ANKFY1: variants seen among roughly 807,000 people sequenced by gnomAD.
The protein encoded by ANKFY1 is ankyrin repeat and FYVE domain containing 1.
In ANKFY1, 47 loss-of-function variants were observed where a neutral mutation model predicts 128.3. The observed-to-expected ratio is 0.37, with a 90% CI of 0.29 to 0.47. The LOEUF (loss-of-function observed/expected upper bound fraction) is 0.47, where lower values mean the gene tolerates loss of function less well. Ranked by LOEUF, ANKFY1 falls within the 20% of genes least tolerant of loss-of-function variation. ANKFY1 has a pLI of 1.00. For missense variants in ANKFY1, 1,222 were observed against 1,510.6 expected, an observed-to-expected ratio of 0.81 and a Z score of 3.17; for synonymous variants, 553 against 601.6, an observed-to-expected ratio of 0.92 and a Z score of 1.18.
chr17:4,164,564 C>T lies in ANKFY1; in HGVS notation c.*3215G>A, dbSNP rs543422574. 3 of 152,394 alleles carry T rather than the reference C, an allele frequency of 2.0e-5. No individual in the cohort carries two copies. The highest frequency in any genetic ancestry group is 7.2e-5 in the African/African-American group (3 of 41,592). The allele number at this position is 152,394 out of a possible 1,614,324, so 9.4% of individuals were successfully genotyped here. A position where few individuals can be genotyped will look rare whatever the true frequency, so the allele number is the denominator to read the frequency against. Reference sequence around the variant, plus strand: ...GAAACATTACCCTTCCTTGTTCCTGCTACTGTCACCTGGGAAGTTAGCGTT... The same window carrying T: ...GAAACATTACCCTTCCTTGTTCCTGTTACTGTCACCTGGGAAGTTAGCGTT... On this transcript the variant is annotated 3_prime_UTR_variant, in exon 25 of 25. Transcript: ENST00000341657.
In ANKFY1 at chr17:4,195,039, G is replaced by A; in HGVS notation, c.1311C>T (p.Asn437=). The stretch of plus-strand genomic sequence containing the variant: ...GCTGGATGAGTCTGGCTGCAAAGCT[G>A]TTCTCATCAAATGAAGTCCCATTTA... The part of the protein sequence containing the change: ...PVVNGTSFDE[N]SFAARLIQRG... The change falls in exon 10 of 25, where the codon AAC becomes AAT. Residue 437 remains asparagine, a synonymous_variant. Coordinates refer to ENST00000341657, the MANE Select transcript of ANKFY1 (RefSeq NM_001330063.2). 6.2e-7 allele frequency: 1 copy of A among 1,614,170 alleles called. No homozygotes were observed. Among genetic ancestry groups the A allele is most frequent in the Non-Finnish European group, 8.5e-7 (1 of 1,180,036 alleles).
intron 1 of ANKFY1, among the ~76,000 whole-genome samples, chr17:4,262,062 A>C (rs1175801481): frequency 6.6e-6 from 1 of 152,240 alleles, no homozygotes; most frequent in Non-Finnish European, 1.5e-5. Flanking sequence ...GCGATGGCTC[A>C]TACCTGCAAC....
intron 3 of ANKFY1, among the ~76,000 whole-genome samples, chr17:4,231,245 C>T (rs1271458549): frequency 1.3e-5 from 2 of 152,180 alleles, no homozygotes; most frequent in Non-Finnish European, 2.9e-5. Context: ...CCTGAAATTC[C>T]AACACTTTGG....
rs1350159764 is a variant in ANKFY1 at position 4,235,982 on chromosome 17, T to C, written c.204-92A>G. On this transcript the variant is annotated intron_variant, in intron 2 of 24. Coordinates refer to ENST00000341657, the MANE Select transcript of ANKFY1 (RefSeq NM_001330063.2). ...CAGCTGATAAACACATGAGTATTCA[T>C]CAACATACATCTGCAAAAGAAAAAA... The C allele has an allele frequency of 4.7e-6, 4 of 843,420 alleles. No individual in the cohort carries two copies. The East Asian group carries it at 1.0e-4, about 21-fold the overall frequency. 52.2% of individuals were successfully genotyped at this position (843,420 alleles called of 1,614,324 possible).
At position 4,166,195 on chromosome 17, in the gene ANKFY1, C is replaced by T. The variant is rs1386795283; in HGVS notation, c.*1584G>A. On this transcript the variant is annotated 3_prime_UTR_variant, in exon 25 of 25. Transcript: ENST00000341657. The stretch of plus-strand genomic sequence containing the variant: ...CTCCAGTTTATCAGCTCATTTTACA[C>T]ACATATTTAGGCAACAGAATGTATA... 6.6e-6 allele frequency: 1 copy of T among 152,178 alleles called. No homozygotes were observed. The highest frequency in any genetic ancestry group is 1.5e-5 in the Non-Finnish European group (1 of 68,042). 9.4% of individuals were successfully genotyped at this position (152,178 alleles called of 1,614,324 possible).
At chr17:4,240,987 T>C (rs113787204) in intron 2 of ANKFY1, among the ~76,000 whole-genome samples, 1,595 of 152,204 alleles carry the variant, frequency 0.01, 12 homozygotes, top group Non-Finnish European at 0.016. Flanking sequence ...CTTTAACATC[T>C]ACCTCAAAAC....
At chr17:4,253,479 G>A (rs1457314571) in intron 1 of ANKFY1, among the ~76,000 whole-genome samples, 1 of 152,052 alleles carries the variant, frequency 6.6e-6, no homozygotes, top group Non-Finnish European at 1.5e-5. Context: ...TCCTTCCTCT[G>A]GGATGTACCG....
chr17:4,263,650 G>A (rs1780132373), intron 1 of ANKFY1: 3 of 1,534,578 alleles, frequency 2.0e-6, no homozygotes, highest in Admixed American at 2.0e-5. Flanking sequence ...CTGCCCTCGG[G>A]GCCCCGCGGC....
Position 4,170,951 on chromosome 17 carries a change from C to A in ANKFY1, c.3140-90G>T. The A allele has an allele frequency of 3.2e-6, 5 of 1,583,292 alleles. 1 individual carries two copies. In the South Asian group the frequency reaches 3.4e-5, roughly 11 times the overall value. The stretch of plus-strand genomic sequence containing the variant: ...GGGCGGAGGACAGCCAAGGGCAGAA[C>A]AGACCGCTGGCAGGAAATCTGTTCA... On this transcript the variant is annotated intron_variant, in intron 22 of 24. Transcript: ENST00000341657.
chr17:4,249,904 C>T (rs73326796), intron 1 of ANKFY1, among the ~76,000 whole-genome samples: 148 of 152,278 alleles, frequency 9.7e-4, no homozygotes, highest in African/African-American at 3.5e-3. Flanking sequence ...TGGCTTCAAC[C>T]CACATCACTC....
rs970223179 is a variant in ANKFY1 at position 4,164,581 on chromosome 17, G to A, written c.*3198C>T. On this transcript the variant is annotated 3_prime_UTR_variant, in exon 25 of 25. Transcript: ENST00000341657. ...TGTTCCTGCTACTGTCACCTGGGAAGTTAGCGTTAGCTTGCCTTTCAGGGT... is the reference window on the plus strand; with the variant it reads ...TGTTCCTGCTACTGTCACCTGGGAAATTAGCGTTAGCTTGCCTTTCAGGGT... The A allele has an allele frequency of 6.6e-6, 1 of 152,266 alleles. No individual in the cohort carries two copies. Among genetic ancestry groups the A allele is most frequent in the South Asian group, 2.1e-4 (1 of 4,838 alleles). 9.4% of individuals were successfully genotyped at this position (152,266 alleles called of 1,614,324 possible).
In ANKFY1 at chr17:4,263,934, T is replaced by G; in HGVS notation, c.8A>C (p.Glu3Ala). The change falls in exon 1 of 25, where the codon GAA (glutamate) becomes GCA (alanine). Residue 3 changes from glutamate to alanine, a missense_variant and splice_region_variant. Physicochemically the swap from Glu to Ala is moderately radical, Grantham distance 107. Coordinates refer to ENST00000341657, the MANE Select transcript of ANKFY1 (RefSeq NM_001330063.2). ...GCGGCTCCACAAAAAAACCCTACCT[T>G]CCGCCATGTCTGGCCCGGCACTGCC... MA[E>A]EEVAKLEKHL... 1 of 1,613,804 alleles carries G rather than the reference T, an allele frequency of 6.2e-7. No individual in the cohort carries two copies.
intron 24 of ANKFY1, chr17:4,168,969 C>A (rs2059264196): frequency 9.6e-6 from 5 of 522,612 alleles, no homozygotes; most frequent in Non-Finnish European, 1.7e-5. Flanking sequence ...AAACTGTGCA[C>A]CTTCAGCCTC....
intron 4 of ANKFY1, among the ~76,000 whole-genome samples, chr17:4,215,423 G>A (rs758656801): frequency 7.9e-5 from 12 of 151,802 alleles, no homozygotes; most frequent in Non-Finnish European, 1.3e-4. Context: ...CAAAACCGGC[G>A]AGATCCCCAC....
Position 4,216,972 on chromosome 17 carries a change from CTG to C in ANKFY1, c.458+9_458+10del, listed in dbSNP as rs757533649. On this transcript the variant is annotated intron_variant, in intron 4 of 24. Transcript: ENST00000341657. ...CATCTGAGGTGCTTGAATATATCTG[CTG>C]TGACTTGCCTCTCCCTGAGGAGCTG... The C allele has an allele frequency of 6.2e-7, 1 of 1,614,010 alleles. No individual in the cohort carries two copies. Among genetic ancestry groups the C allele is most frequent in the South Asian group, 1.1e-5 (1 of 91,062 alleles).
At position 4,169,521 on chromosome 17, in the gene ANKFY1, G is replaced by A. The variant is rs1171559725; in HGVS notation, c.3287-233C>T. On this transcript the variant is annotated intron_variant, in intron 23 of 24. Coordinates refer to ENST00000341657, the MANE Select transcript of ANKFY1 (RefSeq NM_001330063.2). The surrounding 1 kb of genome is among the most constrained non-coding windows in gnomAD (Gnocchi z 5.0). ...AGAAGGAAACGGTGGTCAACGAGGT[G>A]AACCAGTGTGATGTCTGTGGGGGAA... Among the ~76,000 whole-genome samples, 1 of 152,160 alleles carries A rather than the reference G, an allele frequency of 6.6e-6. No individual in the cohort carries two copies. Among genetic ancestry groups the A allele is most frequent in the African/African-American group, 2.4e-5 (1 of 41,426 alleles).
At chr17:4,241,048 C>G (rs1202884937) in intron 2 of ANKFY1, among the ~76,000 whole-genome samples, 1 of 149,814 alleles carries the variant, frequency 6.7e-6, no homozygotes, top group Non-Finnish European at 1.5e-5. Flanking sequence ...CCAGTGAAAA[C>G]AATTTAAGTT....
chr17:4,218,329 CTAAT>C (rs942261448), intron 3 of ANKFY1, among the ~76,000 whole-genome samples: 3 of 152,084 alleles, frequency 2.0e-5, no homozygotes, highest in African/African-American at 4.8e-5. Context: ...CAATGGAGAA[CTAAT>C]TAAATAAATT....
At chr17:4,223,100 T>G in intron 3 of ANKFY1, 4 of 733,156 alleles carry the variant, frequency 5.5e-6, no homozygotes. Context: ...AAGATCCAAA[T>G]AAAGAAAAAC....
Sources: allele counts gnomAD v4.1 joint callset (sites outside exome capture counted in the v4.1 genomes callset), GRCh38; gene constraint gnomAD v4.1.1; non-coding constraint Gnocchi (gnomAD v3.1); transcripts MANE v1.5; gene names NCBI Gene and HGNC (gene_info 2026-07-23, HGNC 2026-07-21).